The following UPRT variants were observed in gnomAD, a reference collection of about 807,000 sequenced individuals.
The protein encoded by UPRT is RP11-311P8.3.
In UPRT, 5 loss-of-function variants were observed where a neutral mutation model predicts 22.6. The observed-to-expected ratio is 0.22, with a 90% confidence interval of 0.12 to 0.47. The LOEUF (loss-of-function observed/expected upper bound fraction) is 0.47. Among genes scored for constraint, UPRT ranks in the 20% least tolerant of loss-of-function variants. The pLI, the probability that UPRT is intolerant of heterozygous loss-of-function variation, is 0.99. For synonymous variants in UPRT, 77 were observed against 87.7 expected (o/e 0.88, Z 0.68); for missense variants, 181 against 239.9 (o/e 0.75, Z 1.62).
chrX:75,204,270 T>C (rs1481793777), intron 4 of UPRT, among the ~76,000 whole-genome samples: 1 of 111,728 alleles, frequency 9.0e-6, no homozygotes, highest in Non-Finnish European at 1.9e-5. Context: ...GAATTAAGTG[T>C]ACAGGCTGTT....
chrX:75,162,248 A>G (rs1464792671), intron 2 of UPRT, among the ~76,000 whole-genome samples: 1 of 110,025 alleles, frequency 9.1e-6, no homozygotes, highest in Non-Finnish European at 1.9e-5. Flanking sequence ...CACCACGCCC[A>G]GCAGGTATAC....
chrX:75,232,439 C>T (rs2082441880), intron 4 of UPRT, among the ~76,000 whole-genome samples: 1 of 112,934 alleles, frequency 8.9e-6, no homozygotes, highest in South Asian at 3.6e-4. Context: ...GAGCCCACCA[C>T]AGCTCAAGGA....
At chrX:75,278,686 G>A (rs2082641559) in intron 1 of UPRT, among the ~76,000 whole-genome samples, 2 of 112,032 alleles carry the variant, frequency 1.8e-5, no homozygotes, top group South Asian at 7.4e-4. Context: ...CATTAAAGCT[G>A]TTGTGTGAGC....
chrX:75,236,978 CA>C (rs2082468341), intron 4 of UPRT, among the ~76,000 whole-genome samples: 2 of 112,129 alleles, frequency 1.8e-5, no homozygotes, highest in African/African-American at 3.2e-5. Flanking sequence ...AGCTTCTGCA[CA>C]GCAAAAGAAA....
intron 4 of UPRT, among the ~76,000 whole-genome samples, chrX:75,249,778 C>T (rs1487385937): frequency 1.8e-5 from 2 of 111,548 alleles, no homozygotes; most frequent in Non-Finnish European, 3.8e-5. Flanking sequence ...CACCACACCA[C>T]ACCTATTCCA....
intron 4 of UPRT, among the ~76,000 whole-genome samples, chrX:75,258,215 T>C (rs1254250446): frequency 1.0e-5 from 1 of 99,334 alleles, no homozygotes; most frequent in African/African-American, 3.5e-5. Flanking sequence ...TTTTTCCTTT[T>C]TTCTTTCTTT....
intron 4 of UPRT, among the ~76,000 whole-genome samples, chrX:75,253,639 G>C (rs1259593640): frequency 1.8e-5 from 2 of 112,170 alleles, no homozygotes; most frequent in Non-Finnish European, 3.8e-5. Context: ...AATTTTTCTA[G>C]AGGACCACTA....
At chrX:75,196,887 T>A (rs1276170668) in intron 4 of UPRT, among the ~76,000 whole-genome samples, 1 of 111,426 alleles carries the variant, frequency 9.0e-6, no homozygotes, top group Admixed American at 9.5e-5. Context: ...AAGTGATGAA[T>A]GAAACTAAGG....
At chrX:75,161,274 G>A (rs2082198646) in intron 2 of UPRT, among the ~76,000 whole-genome samples, 1 of 112,867 alleles carries the variant, frequency 8.9e-6, no homozygotes, top group African/African-American at 3.2e-5. Flanking sequence ...CTCTGGGCTT[G>A]CCCAAGTAGT....
rs145928891 is a variant in UPRT, at chrX:75,261,754, T to C, written c.-446-29270T>C. On this transcript the variant is annotated intron_variant, in intron 4 of 13. Transcript: ENST00000652605. Reference sequence around the variant, plus strand: ...ATTTTAGCAACATCCCTGATGAACATTGATGCGAAAATCCTCAATAAAATA... The same window carrying C: ...ATTTTAGCAACATCCCTGATGAACACTGATGCGAAAATCCTCAATAAAATA... Among the ~76,000 whole-genome samples, 667 of 111,844 alleles carry C rather than the reference T, an allele frequency of 6.0e-3. 5 individuals carry two copies. The highest frequency in any genetic ancestry group is 0.021 in the African/African-American group (639 of 30,790).
At chrX:75,216,650 G>A (rs886847889) in intron 4 of UPRT, among the ~76,000 whole-genome samples, 1 of 112,758 alleles carries the variant, frequency 8.9e-6, no homozygotes. Flanking sequence ...AGAAACACTG[G>A]ATGACTAGTT....
chrX:75,243,430 C>T (rs2082494435), intron 4 of UPRT, among the ~76,000 whole-genome samples: 1 of 111,470 alleles, frequency 9.0e-6, no homozygotes, highest in Non-Finnish European at 1.9e-5. Context: ...GTACAAGTCA[C>T]TTAAGGAAAG....
chrX:75,273,613 AAAGAT>A (rs1157598183), upstream of UPRT, among the ~76,000 whole-genome samples: 2 of 111,517 alleles, frequency 1.8e-5, no homozygotes, highest in Non-Finnish European at 3.8e-5. Context: ...CCCAACCAAT[AAAGAT>A]AAGAAAAGCT....
At chrX:75,179,857 C>T (rs1420144614) in intron 4 of UPRT, among the ~76,000 whole-genome samples, 1 of 112,938 alleles carries the variant, frequency 8.9e-6, no homozygotes, top group Non-Finnish European at 1.9e-5. Flanking sequence ...TCCAGCTGGC[C>T]CGCAAGCGCC....
chrX:75,175,903 C>T (rs2082245014), intron 4 of UPRT, among the ~76,000 whole-genome samples: 1 of 111,148 alleles, frequency 9.0e-6, no homozygotes, highest in African/African-American at 3.3e-5. Context: ...TATTATAGAA[C>T]ACTGAGTTTG....
intron 4 of UPRT, among the ~76,000 whole-genome samples, chrX:75,250,422 A>G (rs974472346): frequency 9.0e-6 from 1 of 111,566 alleles, no homozygotes; most frequent in Non-Finnish European, 1.9e-5. Context: ...ATGAAAGAAT[A>G]CTATAAACAC....
At chrX:75,276,034 C>T (rs1404172551) in intron 1 of UPRT, among the ~76,000 whole-genome samples, 1 of 111,706 alleles carries the variant, frequency 9.0e-6, no homozygotes, top group Admixed American at 9.5e-5. Flanking sequence ...GATGAAGGCC[C>T]TTCTTCATAG....
In UPRT at chrX:75,274,247, C is replaced by A. The variant is rs770527909; in HGVS notation, c.-8C>A. 8.4e-7 allele frequency: 1 copy of A among 1,191,515 alleles called. No individual in the cohort carries two copies. Among genetic ancestry groups the A allele is most frequent in the Non-Finnish European group, 1.1e-6 (1 of 883,154 alleles). ...CAGTAGCAGCGGGGATAGCCCGGGG[C>A]CCGGTGTATGGCCACGGAGTTACAG... On this transcript the variant is annotated 5_prime_UTR_variant, in exon 1 of 7. Coordinates refer to ENST00000373383, the MANE Select transcript of UPRT (RefSeq NM_145052.4).
intron 4 of UPRT, among the ~76,000 whole-genome samples, chrX:75,263,392 T>C (rs1371575265): frequency 9.0e-6 from 1 of 111,462 alleles, no homozygotes; most frequent in Non-Finnish European, 1.9e-5. Flanking sequence ...TGCCTCAATG[T>C]CAGAGCCTGT....
Sources: allele counts gnomAD v4.1 joint callset (sites outside exome capture counted in the v4.1 genomes callset), GRCh38; gene constraint gnomAD v4.1.1; transcripts MANE v1.5; gene names NCBI Gene and HGNC (gene_info 2026-07-23, HGNC 2026-07-21).